NXN: variants seen among roughly 807,000 people sequenced by gnomAD.
NXN encodes nucleoredoxin 1.
NXN carries 16 observed loss-of-function variants against 48.6 expected under a neutral mutation model. The observed-to-expected ratio is 0.33, with a 90% CI of 0.22 to 0.50. NXN has a LOEUF of 0.50. Ranked by LOEUF, NXN falls within the 20% of genes least tolerant of loss-of-function variation. NXN has a pLI of 0.98. For missense variants in NXN, 492 were observed against 605.5 expected (o/e 0.81, Z 1.97); for synonymous variants, 281 against 269.6 (o/e 1.04, Z -0.41).
At chr17:924,832 G>GT (rs1439956946) in intron 1 of NXN, among the ~76,000 whole-genome samples, 2 of 152,254 alleles carry the variant, frequency 1.3e-5, no homozygotes, top group Non-Finnish European at 2.9e-5. Flanking sequence ...CACCTTCGGT[G>GT]TAAGTTACTT....
chr17:943,282 A>G (rs2150608215), intron 1 of NXN, among the ~76,000 whole-genome samples: 1 of 152,262 alleles, frequency 6.6e-6, no homozygotes, highest in South Asian at 2.1e-4. Flanking sequence ...ACCGACTCCC[A>G]GCTCTGTATG....
At chr17:821,991 G>A (rs960712680) in intron 4 of NXN, among the ~76,000 whole-genome samples, 2 of 152,058 alleles carry the variant, frequency 1.3e-5, no homozygotes, top group African/African-American at 2.4e-5. Flanking sequence ...GATTAAAGGA[G>A]TAAATGTGGC....
intron 1 of NXN, among the ~76,000 whole-genome samples, chr17:891,891 AC>A (rs1597699909): frequency 9.3e-6 from 1 of 107,162 alleles, no homozygotes; most frequent in East Asian, 2.5e-4. Context: ...ACCATGTACA[AC>A]CCAACAGGGA....
At chr17:973,191 G>T (rs1350069903) in intron 1 of NXN, among the ~76,000 whole-genome samples, 1 of 152,184 alleles carries the variant, frequency 6.6e-6, no homozygotes, top group Non-Finnish European at 1.5e-5. Flanking sequence ...ACTGGGAGAT[G>T]AGTACCAAAC....
intron 7 of NXN, among the ~76,000 whole-genome samples, chr17:801,728 G>C (rs536314921): frequency 9.2e-5 from 14 of 152,324 alleles, no homozygotes; most frequent in African/African-American, 3.4e-4. Flanking sequence ...ACAGGCGTCA[G>C]CCACCGTGCC....
intron 1 of NXN, among the ~76,000 whole-genome samples, chr17:886,928 GTTAT>G (rs2068354932): frequency 6.6e-6 from 1 of 151,980 alleles, no homozygotes; most frequent in African/African-American, 2.4e-5. Flanking sequence ...CTTTTATTTT[GTTAT>G]TTATTTATTT....
chr17:914,751 G>A (rs1011778050), intron 1 of NXN, among the ~76,000 whole-genome samples: 7 of 152,160 alleles, frequency 4.6e-5, no homozygotes, highest in African/African-American at 9.7e-5. Context: ...GGAGCGTACC[G>A]TGATGTGGGA....
Position 801,526 on chromosome 17 carries a change from A to G in NXN, c.1126-395T>C, listed in dbSNP as rs193091234. On this transcript the variant is annotated intron_variant, in intron 7 of 7. Transcript: ENST00000336868. ...AGTGGCACGATCTCGGCTCACTGCA[A>G]GCTCCACCTCCCGGGTTTAAGCAAT... 7.7e-3 allele frequency among the ~76,000 whole-genome samples: 1,080 copies of G among 140,076 alleles called. 16 individuals carry two copies. Among genetic ancestry groups the G allele is most frequent in the African/African-American group, 0.027 (1,038 of 37,844 alleles). The allele number at this position is 140,076 out of a possible 152,430, so 91.9% of individuals were successfully genotyped here.
At chr17:895,102 C>T (rs1903417019) in intron 1 of NXN, among the ~76,000 whole-genome samples, 1 of 133,808 alleles carries the variant, frequency 7.5e-6, no homozygotes, top group African/African-American at 2.8e-5. Flanking sequence ...CTGCAACCTC[C>T]GCCTCCTGGG....
At chr17:850,155 T>C (rs2067908489) in intron 1 of NXN, among the ~76,000 whole-genome samples, 1 of 152,106 alleles carries the variant, frequency 6.6e-6, no homozygotes, top group Admixed American at 6.5e-5. Flanking sequence ...CCTCACTGCT[T>C]AGAACGCCAG....
intron 1 of NXN, among the ~76,000 whole-genome samples, chr17:872,603 C>T (rs899102469): frequency 6.9e-6 from 1 of 144,396 alleles, no homozygotes; most frequent in Non-Finnish European, 1.5e-5. Context: ...ACTATGTTTC[C>T]GGGTGAGATC....
intron 1 of NXN, among the ~76,000 whole-genome samples, chr17:904,691 A>G (rs2068567690): frequency 1.3e-5 from 2 of 152,098 alleles, no homozygotes; most frequent in Non-Finnish European, 2.9e-5. Context: ...TTACAGGCGC[A>G]TGCAATCACA....
intron 1 of NXN, among the ~76,000 whole-genome samples, chr17:936,072 AC>A (rs2068904307): frequency 6.9e-6 from 1 of 145,930 alleles, no homozygotes; most frequent in Non-Finnish European, 1.5e-5. Flanking sequence ...AGCCTGGGCA[AC>A]AGGGCAAGAT....
chr17:865,318 C>A (rs1278777887), intron 1 of NXN, among the ~76,000 whole-genome samples: 1 of 151,962 alleles, frequency 6.6e-6, no homozygotes, highest in African/African-American at 2.4e-5. Context: ...TCTTGGCTCA[C>A]CGCAACCTCT....
At chr17:900,037 A>G (rs12945511) in intron 1 of NXN, among the ~76,000 whole-genome samples, 109,847 of 151,778 alleles carry the variant, frequency 0.72, 40,662 homozygotes, top group Middle Eastern at 0.87. Context: ...AGGCCGAGGC[A>G]GGCGGATCTC....
chr17:934,156 C>T (rs577818012), intron 1 of NXN, among the ~76,000 whole-genome samples: 3 of 152,036 alleles, frequency 2.0e-5, no homozygotes, highest in South Asian at 4.2e-4. Context: ...AATCCCAGCA[C>T]CCCGGGAGGC....
intron 1 of NXN, among the ~76,000 whole-genome samples, 164 bp from the exon 2 acceptor site, chr17:826,242 A>G (rs887557616): frequency 2.6e-5 from 4 of 151,946 alleles, no homozygotes; most frequent in Non-Finnish European, 5.9e-5. Context: ...GGGGCACGTT[A>G]ACTACAATCC....
chr17:973,528 G>A (rs1207226159), intron 1 of NXN, among the ~76,000 whole-genome samples: 3 of 152,158 alleles, frequency 2.0e-5, no homozygotes, highest in East Asian at 1.9e-4. Flanking sequence ...AGGCTTCGTC[G>A]ATCAGCAGCA....
At chr17:826,509 C>A (rs1597634815) in intron 1 of NXN, among the ~76,000 whole-genome samples, 3 of 152,192 alleles carry the variant, frequency 2.0e-5, no homozygotes, top group African/African-American at 2.4e-5. Flanking sequence ...CTTCAGAACA[C>A]AATCAGACCA....
Sources: allele counts gnomAD v4.1 joint callset (sites outside exome capture counted in the v4.1 genomes callset), GRCh38; gene constraint gnomAD v4.1.1; transcripts MANE v1.5; gene names NCBI Gene and HGNC (gene_info 2026-07-23, HGNC 2026-07-21).